The following KDM4C variants were observed in gnomAD, a reference collection of about 807,000 sequenced individuals.
KDM4C encodes the protein lysine demethylase 4C, also known as lysine-specific demethylase 4C.
A neutral mutation model predicts 129.3 loss-of-function variants in KDM4C; 81 were observed. That is an observed-to-expected ratio of 0.63 (90% CI 0.52 to 0.75). The LOEUF (loss-of-function observed/expected upper bound fraction) is 0.75. KDM4C is among the 30% of genes least tolerant of loss of function. The pLI is 0.00. For synonymous variants in KDM4C, 573 were observed against 456.1 expected (o/e 1.26, Z -3.26); for missense variants, 1,457 against 1,304.0 (o/e 1.12, Z -1.81).
chr9:6,967,643 G>A (rs952580303), intron 8 of KDM4C, among the ~76,000 whole-genome samples: 1 of 152,152 alleles, frequency 6.6e-6, no homozygotes, highest in Non-Finnish European at 1.5e-5. Flanking sequence ...GGGCTCACCT[G>A]CACCTGTATG....
At chr9:6,842,949 A>C (rs1156698705) in intron 4 of KDM4C, among the ~76,000 whole-genome samples, 1 of 151,906 alleles carries the variant, frequency 6.6e-6, no homozygotes, top group Non-Finnish European at 1.5e-5. Flanking sequence ...CTTTTTTCTG[A>C]GACAGAGTCT....
Position 7,046,890 on chromosome 9 carries a change from G to T in KDM4C, c.2288G>T (p.Gly763Val), listed in dbSNP as rs746863794. The change falls in exon 16 of 22, where the codon GGT becomes GTT. Residue 763 changes from glycine to valine, a missense_variant. By Grantham distance (109) the Gly-to-Val change is moderately radical. Transcript: ENST00000381309. ...AECCLCNLRG[G>V]ALKQTKNNKW... ...TGCTGTCTCTGCAATTTGAGAGGAG[G>T]TGCTCTTAAGCAAACGAAGAACAAT... 1.9e-6 allele frequency: 3 copies of T among 1,607,162 alleles called. No homozygotes were observed. The highest frequency in any genetic ancestry group is 1.1e-5 in the South Asian group (1 of 90,730).
chr9:6,943,670 G>C (rs1204154487), intron 8 of KDM4C, among the ~76,000 whole-genome samples: 1 of 134,928 alleles, frequency 7.4e-6, no homozygotes, highest in African/African-American at 2.8e-5. Flanking sequence ...GGGAAATCTT[G>C]TCTCAAAAAA....
intron 6 of KDM4C, among the ~76,000 whole-genome samples, chr9:6,887,719 G>C (rs1443167292): frequency 6.6e-6 from 1 of 151,984 alleles, no homozygotes; most frequent in Non-Finnish European, 1.5e-5. Flanking sequence ...AATTTTACAG[G>C]TTACAAAAAC....
chr9:6,797,448 AT>A (rs1165167541), intron 2 of KDM4C, among the ~76,000 whole-genome samples: 1 of 152,088 alleles, frequency 6.6e-6, no homozygotes, highest in African/African-American at 2.4e-5. Context: ...TTTAACATTT[AT>A]TTTTTGAGTG....
chr9:6,969,432 G>C (rs1203398235), intron 8 of KDM4C, among the ~76,000 whole-genome samples: 1 of 152,052 alleles, frequency 6.6e-6, no homozygotes, highest in African/African-American at 2.4e-5. Flanking sequence ...TCTGCTGATA[G>C]GCTTGATATT....
At chr9:6,747,626 T>C (rs997150737) in intron 1 of KDM4C, among the ~76,000 whole-genome samples, 7 of 151,954 alleles carry the variant, frequency 4.6e-5, no homozygotes, top group African/African-American at 1.7e-4. Flanking sequence ...ATCCACTGTA[T>C]GCTCCTGAGT....
chr9:6,995,964 G>C (rs188253795), intron 12 of KDM4C, among the ~76,000 whole-genome samples: 1 of 152,142 alleles, frequency 6.6e-6, no homozygotes, highest in East Asian at 1.9e-4. Flanking sequence ...CACCGCGCCC[G>C]GCCCTGCAGG....
At chr9:6,757,781 C>T (rs1320362001), upstream of KDM4C, 2 of 985,558 alleles carry the variant, frequency 2.0e-6, no homozygotes, top group East Asian at 1.1e-4. Context: ...CTTTCCCCTC[C>T]GGAAAGAATG....
At chr9:6,882,799 T>C (rs978590292) in intron 6 of KDM4C, among the ~76,000 whole-genome samples, 1 of 150,808 alleles carries the variant, frequency 6.6e-6, no homozygotes, top group Admixed American at 6.6e-5. Context: ...TGTGTGTGTG[T>C]GTGTGTGCGC....
chr9:6,961,129 G>C (rs1279896883), intron 8 of KDM4C, among the ~76,000 whole-genome samples: 1 of 152,156 alleles, frequency 6.6e-6, no homozygotes, highest in Non-Finnish European at 1.5e-5. Flanking sequence ...TCAGCATTGT[G>C]AGTTTGCAAA....
chr9:6,951,799 T>A (rs1055771093), intron 8 of KDM4C, among the ~76,000 whole-genome samples: 2 of 152,220 alleles, frequency 1.3e-5, no homozygotes, highest in Admixed American at 1.3e-4. Context: ...ATTTGTATGA[T>A]TTACTTCACT....
Position 7,013,930 on chromosome 9 carries a change from A to C in KDM4C, c.2111A>C (p.Asn704Thr), listed in dbSNP as rs200905830. 1.6e-5 allele frequency: 26 copies of C among 1,613,908 alleles called. No individual in the cohort carries two copies. The highest frequency in any genetic ancestry group is 2.2e-5 in the Non-Finnish European group (26 of 1,179,896). Reference sequence around the variant, plus strand: ...GAAAATATAGAATATTCTCCACCCAATGCCTTCCTTGAAGAGGATGGAACA... The same window carrying C: ...GAAAATATAGAATATTCTCCACCCACTGCCTTCCTTGAAGAGGATGGAACA... Reference protein sequence around the residue: ...SEENIEYSPPNAFLEEDGTSL... With the variant: ...SEENIEYSPPTAFLEEDGTSL... Residue 704 changes from asparagine (N) to threonine (T), a missense_variant, in exon 14 of 22, where the codon AAT (asparagine) becomes ACT (threonine). Transcript: ENST00000381309.
At chr9:6,969,985 C>T (rs1589382663) in intron 8 of KDM4C, among the ~76,000 whole-genome samples, 1 of 152,206 alleles carries the variant, frequency 6.6e-6, no homozygotes, top group Admixed American at 6.5e-5. Flanking sequence ...CCCACTGTAC[C>T]TCATTGGTGT....
intron 8 of KDM4C, chr9:6,947,928 ATTTC>A (rs926864903): frequency 6.6e-6 from 1 of 151,686 alleles, no homozygotes; most frequent in African/African-American, 2.4e-5. Flanking sequence ...CTGGGTTTTC[ATTTC>A]TTTTTTATTG....
chr9:6,858,850 CT>C (rs968152380), intron 5 of KDM4C, among the ~76,000 whole-genome samples: 153 of 142,560 alleles, frequency 1.1e-3, no homozygotes, highest in Admixed American at 1.3e-3. Context: ...TTTGGTATCT[CT>C]TTTTTTTTTT....
intron 4 of KDM4C, among the ~76,000 whole-genome samples, chr9:6,819,394 A>C (rs1360598161): frequency 6.6e-6 from 1 of 152,212 alleles, no homozygotes; most frequent in African/African-American, 2.4e-5. Context: ...CAATGAACAA[A>C]ATCCACTGGT....
chr9:7,107,210 T>G lies in KDM4C; in HGVS notation c.2610+3340T>G, dbSNP rs75762453. Reference sequence around the variant, plus strand: ...TTCATTATAACCTAGTTTCTGGCTGTATTTCCAAAGGTTCCACTTGGATAT... The same window carrying G: ...TTCATTATAACCTAGTTTCTGGCTGGATTTCCAAAGGTTCCACTTGGATAT... On this transcript the variant is annotated intron_variant, in intron 18 of 21. Coordinates refer to ENST00000381309, the MANE Select transcript of KDM4C (RefSeq NM_015061.6). 2.4e-3 allele frequency among the ~76,000 whole-genome samples: 370 copies of G among 152,378 alleles called. 3 individuals are homozygous for G. Among genetic ancestry groups the G allele is most frequent in the African/African-American group, 6.6e-3 (276 of 41,580 alleles).
chr9:6,999,355 A>T (rs1276089037), intron 12 of KDM4C, among the ~76,000 whole-genome samples: 1 of 152,246 alleles, frequency 6.6e-6, no homozygotes, highest in East Asian at 1.9e-4. Context: ...AAAGTATTAA[A>T]TATAAATGTT....
Sources: allele counts gnomAD v4.1 joint callset (sites outside exome capture counted in the v4.1 genomes callset), GRCh38; gene constraint gnomAD v4.1.1; transcripts MANE v1.5; gene names NCBI Gene and HGNC (gene_info 2026-07-23, HGNC 2026-07-21).